The following STK11 variants were observed in gnomAD, a reference collection of about 807,000 sequenced individuals.
STK11 encodes serine/threonine-protein kinase STK11.
Under a neutral mutation model 47.3 loss-of-function variants are expected in STK11, and 8 were observed. The ratio of observed to expected loss-of-function variants is 0.17; its 90% CI spans 0.10 to 0.31. The LOEUF (loss-of-function observed/expected upper bound fraction) is 0.31. Ranked by LOEUF, STK11 falls within the 10% of genes least tolerant of loss-of-function variation. STK11 has a pLI of 1.00. For synonymous variants in STK11, 330 were observed against 255.8 expected, an observed-to-expected ratio of 1.29 and a Z score of -2.77; for missense variants, 475 against 605.0, an observed-to-expected ratio of 0.79 and a Z score of 2.25.
chr19:1,220,603 A>T lies in STK11; in HGVS notation c.620A>T (p.Asp207Val), dbSNP rs1555738370. The change falls in exon 5 of 10, where the codon GAC becomes GTC. Residue 207 changes from aspartate to valine, a missense_variant. Transcript: ENST00000326873. ...CAGGCACTGCACCCGTTCGCGGCGG[A>T]CGACACCTGCCGGACCAGCCAGGGC... ...VAEALHPFAA[D>V]DTCRTSQGSP... 1 of 1,594,612 alleles carries T rather than the reference A, an allele frequency of 6.3e-7. No individual in the cohort carries two copies. Among genetic ancestry groups the T allele is most frequent in the Non-Finnish European group, 8.5e-7 (1 of 1,171,078 alleles).
Position 1,227,851 on chromosome 19 carries a change from G to T in STK11, c.*275G>T. On this transcript the variant is annotated 3_prime_UTR_variant, in exon 10 of 10. Coordinates refer to ENST00000326873, the MANE Select transcript of STK11 (RefSeq NM_000455.5). ...TCCCGGGCGGGCGTGGGAGGAGGGA[G>T]GCGGCCTCCATGCACTTTATGTGGA... 1 of 1,070,264 alleles carries T rather than the reference G, an allele frequency of 9.3e-7. No homozygotes were observed. Among genetic ancestry groups the T allele is most frequent in the Non-Finnish European group, 1.1e-6 (1 of 882,400 alleles). 66.3% of individuals were successfully genotyped at this position (1,070,264 alleles called of 1,614,324 possible).
At position 1,222,948 on chromosome 19, in the gene STK11, C is replaced by T. The variant is rs773797452; in HGVS notation, c.921-37C>T. On this transcript the variant is annotated intron_variant, in intron 7 of 9. Coordinates refer to ENST00000326873, the MANE Select transcript of STK11 (RefSeq NM_000455.5). ...TCGGAAAACTGGACCGCCCTGGTGCCAGCCTGACAGGCGCCACTGCTTCTG... is the reference window on the plus strand; with the variant it reads ...TCGGAAAACTGGACCGCCCTGGTGCTAGCCTGACAGGCGCCACTGCTTCTG... The T allele has an allele frequency of 3.3e-6, 5 of 1,513,414 alleles. No individual in the cohort carries two copies. The East Asian group carries it at 1.2e-4, about 37-fold the overall frequency. 93.7% of individuals were successfully genotyped at this position (1,513,414 alleles called of 1,614,324 possible).
At chr19:1,219,443 G>T in intron 3 of STK11, 30 bp downstream of exon 3, 2 of 1,535,106 alleles carry the variant, frequency 1.3e-6, no homozygotes, top group Non-Finnish European at 1.8e-6. Flanking sequence ...GCCAGGGTGG[G>T]GCGGGGGCCG....
chr19:1,223,691 A>C, intron 8 of STK11: 1 of 1,044,268 alleles, frequency 9.6e-7, no homozygotes, highest in Non-Finnish European at 1.2e-6. Context: ...CTTGCAGAAG[A>C]GCGAGGGCTC....
chr19:1,223,732 G>C (rs917190667), intron 8 of STK11: 1 of 1,041,574 alleles, frequency 9.6e-7, no homozygotes, highest in Non-Finnish European at 1.2e-6. Context: ...CCTCTCGGCC[G>C]GCGCCGCAGT....
At chr19:1,221,535 T>C (rs920112246) in intron 6 of STK11, 195 bp downstream of exon 6, 8 of 876,730 alleles carry the variant, frequency 9.1e-6, no homozygotes, top group African/African-American at 3.4e-5. Context: ...TTCTGGGCCC[T>C]GTTCACCCTC....
rs1014481690 is a variant in STK11, at chr19:1,211,273, G to A, written c.290+4070G>A. Among the ~76,000 whole-genome samples, 4 of 152,346 alleles carry A rather than the reference G, an allele frequency of 2.6e-5. No homozygotes were observed. The East Asian group carries it at 7.7e-4, about 29-fold the overall frequency. ...CTGGGCAAGCCTAGGAGAGAAGAGC[G>A]AAATTGTGTCTCAAAAAAACAATTA... On this transcript the variant is annotated intron_variant, in intron 1 of 9. Transcript: ENST00000326873.
intron 9 of STK11, 196 bp downstream of exon 9, chr19:1,226,859 G>A (rs1335457994): frequency 6.1e-6 from 4 of 658,668 alleles, no homozygotes; most frequent in African/African-American, 3.9e-5. Flanking sequence ...TGTCTGGCCA[G>A]CGTGCTGGTC....
At chr19:1,225,745 C>T (rs1411228669) in intron 8 of STK11, 7 of 985,424 alleles carry the variant, frequency 7.1e-6, no homozygotes, top group East Asian at 1.1e-4. Flanking sequence ...GGAGGGGCCT[C>T]GGGGATGGCT....
chr19:1,226,803 T>A, intron 9 of STK11, 140 bp downstream of exon 9: 1 of 1,093,578 alleles, frequency 9.1e-7, no homozygotes, highest in African/African-American at 1.7e-5. Flanking sequence ...TTTGGGTGGC[T>A]TGGCCACGTA....
In STK11 at chr19:1,227,711, C is replaced by T. The variant is rs2080836048; in HGVS notation, c.*135C>T. On this transcript the variant is annotated 3_prime_UTR_variant, in exon 10 of 10. Coordinates refer to ENST00000326873, the MANE Select transcript of STK11 (RefSeq NM_000455.5). ...CTGTGCCGACCACGCCCCAGGACCT[C>T]CGGAGCGCCCTGCAGGGCCGGGCAG... is the stretch of plus-strand genomic sequence containing the variant. 2.8e-6 allele frequency: 3 copies of T among 1,070,384 alleles called. No homozygotes were observed. Among genetic ancestry groups the T allele is most frequent in the Non-Finnish European group, 3.4e-6 (3 of 882,466 alleles). The allele number at this position is 1,070,384 out of a possible 1,614,324, so 66.3% of individuals were successfully genotyped here. A position where few individuals can be genotyped will look rare whatever the true frequency, so the allele number is the denominator to read the frequency against.
rs1429917483 is a variant in STK11, at chr19:1,206,169, G to A, written c.-745G>A. 3 of 153,810 alleles carry A rather than the reference G, an allele frequency of 2.0e-5. No individual in the cohort carries two copies. In the East Asian group the frequency reaches 5.0e-4, roughly 26 times the overall value. The allele number at this position is 153,810 out of a possible 1,614,324, so 9.5% of individuals were successfully genotyped here. Reference sequence around the variant, plus strand: ...TGCCGGGCCCCGGCGACCACCTTGGGGGTCGCGGGCCGGCTCGGGGGGCGC... The same window carrying A: ...TGCCGGGCCCCGGCGACCACCTTGGAGGTCGCGGGCCGGCTCGGGGGGCGC... On this transcript the variant is annotated 5_prime_UTR_variant, in exon 1 of 10. Transcript: ENST00000326873.
chr19:1,212,939 C>A (rs987838115), intron 1 of STK11, among the ~76,000 whole-genome samples: 1 of 151,418 alleles, frequency 6.6e-6, no homozygotes, highest in East Asian at 1.9e-4. Flanking sequence ...TCTGGCCTCC[C>A]AAAGTGCTGG....
intron 1 of STK11, 40 bp from the exon 2 acceptor site, chr19:1,218,377 C>G (rs184957913): frequency 6.4e-7 from 1 of 1,553,662 alleles, no homozygotes; most frequent in Non-Finnish European, 8.9e-7. Context: ...ATCATCCTGA[C>G]GTTGGGTCGG....
At position 1,221,356 on chromosome 19, in the gene STK11, C is replaced by G. The variant is rs761078890; in HGVS notation, c.862+16C>G. On this transcript the variant is annotated intron_variant, in intron 6 of 9. Coordinates refer to ENST00000326873, the MANE Select transcript of STK11 (RefSeq NM_000455.5). ...CTGCTGAAAGGTGGGAGCCTCATCC[C>G]TCTGCCCGCAGCCCCAGGGAGGCGG... 4 of 1,596,044 alleles carry G rather than the reference C, an allele frequency of 2.5e-6. No homozygotes were observed. The highest frequency in any genetic ancestry group is 2.3e-5 in the East Asian group (1 of 44,296).
intron 8 of STK11, chr19:1,224,763 GGAGGA>G: frequency 1.0e-6 from 1 of 984,654 alleles, no homozygotes; most frequent in South Asian, 4.7e-5. Context: ...TGGGTGGTGA[GGAGGA>G]GTACCCAGCA....
chr19:1,217,603 C>T (rs908612726), intron 1 of STK11, among the ~76,000 whole-genome samples: 34 of 152,266 alleles, frequency 2.2e-4, no homozygotes, highest in Non-Finnish European at 3.4e-4. Context: ...CAGTGACAGG[C>T]GGGTGGGTGT....
intron 1 of STK11, among the ~76,000 whole-genome samples, chr19:1,209,583 AAAAT>A (rs35010183): frequency 0.33 from 48,050 of 147,122 alleles, 7,905 homozygotes; most frequent in East Asian, 0.45. Context: ...CTCTGTCTCA[AAAAT>A]AAATAAATAA....
intron 8 of STK11, chr19:1,224,638 G>T: frequency 2.0e-6 from 2 of 985,622 alleles, no homozygotes; most frequent in Non-Finnish European, 2.4e-6. Flanking sequence ...CCCGGCACTG[G>T]CTTCCCTCCT....
Sources: gnomAD v4.1 joint callset for allele counts (sites outside exome capture counted in the v4.1 genomes callset) on GRCh38, gnomAD v4.1.1 for gene constraint, MANE v1.5 for transcripts, NCBI Gene and HGNC (gene_info 2026-07-23, HGNC 2026-07-21) for gene names.